Variants in SHOC1 observed in about 807,000 individuals in gnomAD.
The protein encoded by SHOC1 is shortage in chiasmata 1.
A neutral mutation model predicts 179.2 loss-of-function variants in SHOC1; 136 were observed. The ratio of observed to expected loss-of-function variants is 0.76; its 90% CI spans 0.66 to 0.87. The LOEUF is 0.87. Ranked by LOEUF, SHOC1 falls within the 40% of genes least tolerant of loss-of-function variation. The probability of loss-of-function intolerance (pLI) is 0.00; values close to 1 mark genes in which losing one functional copy is unlikely to be tolerated. For synonymous variants in SHOC1, 489 were observed against 586.6 expected (o/e 0.83, Z 2.41); for missense variants, 1,538 against 1,700.8 (o/e 0.90, Z 1.68).
chr9:111,769,986 G>GTTTTTTTTTT (rs769266659), intron 5 of SHOC1, among the ~76,000 whole-genome samples: 157 of 77,604 alleles, frequency 2.0e-3, no homozygotes, highest in African/African-American at 2.7e-3. Flanking sequence ...TTTTTTTTTT[G>GTTTTTTTTTT]TTTTTTTTTT....
chr9:111,759,739 C>G (rs897145471), intron 5 of SHOC1, among the ~76,000 whole-genome samples: 15 of 152,196 alleles, frequency 9.9e-5, no homozygotes, highest in African/African-American at 3.4e-4. Context: ...TTAAGTGACG[C>G]TGAATGGCAT....
intron 5 of SHOC1, 53 bp from the exon 6 acceptor site, chr9:111,758,901 A>G: frequency 9.1e-7 from 1 of 1,097,740 alleles, no homozygotes; most frequent in Non-Finnish European, 1.3e-6. Flanking sequence ...AAAGTTATCC[A>G]AAGAGATCTA....
At chr9:111,718,586 T>C (rs1000819637) in intron 15 of SHOC1, among the ~76,000 whole-genome samples, 1 of 152,196 alleles carries the variant, frequency 6.6e-6, no homozygotes, top group African/African-American at 2.4e-5. Flanking sequence ...TGAGAATTCA[T>C]GCCCTTGTTG....
chr9:111,726,464 T>C (rs1018004010), intron 13 of SHOC1, among the ~76,000 whole-genome samples: 1 of 152,228 alleles, frequency 6.6e-6, no homozygotes, highest in African/African-American at 2.4e-5. Flanking sequence ...GGTCTCATTA[T>C]GTTGCTCAGG....
intron 3 of SHOC1, among the ~76,000 whole-genome samples, chr9:111,782,409 T>C (rs74748198): frequency 2.6e-5 from 4 of 152,294 alleles, no homozygotes; most frequent in African/African-American, 9.6e-5. Flanking sequence ...AGATTAAATG[T>C]AATGTGGCAT....
chr9:111,765,958 G>A (rs2131590552), intron 5 of SHOC1, among the ~76,000 whole-genome samples: 1 of 152,200 alleles, frequency 6.6e-6, no homozygotes, highest in Non-Finnish European at 1.5e-5. Context: ...TGGCATTACA[G>A]GCATGAGCCA....
At position 111,724,824 on chromosome 9, in the gene SHOC1, G is replaced by A. The variant is rs564292195; in HGVS notation, c.1835-913C>T. Among the ~76,000 whole-genome samples the A allele has an allele frequency of 3.9e-5, 6 of 152,262 alleles. No individual in the cohort carries two copies. In the East Asian group the frequency reaches 9.6e-4, roughly 24 times the overall value. Reference sequence around the variant, plus strand: ...CACATTGAATTGAAATGATCTATCTGCATATCTGACCTACTTTATTATACT... The same window carrying A: ...CACATTGAATTGAAATGATCTATCTACATATCTGACCTACTTTATTATACT... On this transcript the variant is annotated intron_variant, in intron 13 of 27. Transcript: ENST00000682961.
chr9:111,693,797 A>G lies in SHOC1; in HGVS notation c.3465+2T>C, dbSNP rs1315099802. Reference sequence around the variant, plus strand: ...TCATAGTACAGATCTCAAATAACTAACCTTTAACACTTTTTCTGGGACTTC... The same window carrying G: ...TCATAGTACAGATCTCAAATAACTAGCCTTTAACACTTTTTCTGGGACTTC... On this transcript the variant is annotated splice_donor_variant, in intron 26 of 27. Coordinates refer to ENST00000682961, the MANE Select transcript of SHOC1 (RefSeq NM_001378211.1). LOFTEE classifies it high-confidence loss of function. The G allele has an allele frequency of 2.5e-6, 4 of 1,597,116 alleles. No homozygotes were observed. Among genetic ancestry groups the G allele is most frequent in the African/African-American group, 1.3e-5 (1 of 74,312 alleles).
At chr9:111,768,424 T>G (rs1299619101) in intron 5 of SHOC1, among the ~76,000 whole-genome samples, 1 of 152,080 alleles carries the variant, frequency 6.6e-6, no homozygotes, top group Non-Finnish European at 1.5e-5. Flanking sequence ...GGTTTCACCA[T>G]GTCAGGCTGG....
chr9:111,757,967 C>A, intron 7 of SHOC1, 117 bp downstream of exon 7: 1 of 569,702 alleles, frequency 1.8e-6, no homozygotes, highest in Non-Finnish European at 3.1e-6. Context: ...GATACATGTT[C>A]ATTCCATTAT....
rs377703933 is a variant in SHOC1 at position 111,786,072 on chromosome 9, T to C, written c.46-37A>G. The C allele has an allele frequency of 7.7e-4, 1,042 of 1,358,088 alleles. 7 individuals carry two copies. In the African/African-American group the frequency reaches 0.014, roughly 18 times the overall value. The allele number at this position is 1,358,088 out of a possible 1,614,324, so 84.1% of individuals were successfully genotyped here. On this transcript the variant is annotated intron_variant, in intron 2 of 27. Coordinates refer to ENST00000682961, the MANE Select transcript of SHOC1 (RefSeq NM_001378211.1). ...AGAAAGATTAGAAAATCTTTTAACATGTACTATTTATCAATATTCAGAATA... is the reference window on the plus strand; with the variant it reads ...AGAAAGATTAGAAAATCTTTTAACACGTACTATTTATCAATATTCAGAATA...
intron 2 of SHOC1, among the ~76,000 whole-genome samples, chr9:111,789,533 C>G (rs541827891): frequency 4.6e-5 from 7 of 152,132 alleles, no homozygotes; most frequent in African/African-American, 7.2e-5. Context: ...ATCTCTGACT[C>G]CTTTGATATT....
intron 12 of SHOC1, among the ~76,000 whole-genome samples, chr9:111,736,702 A>G (rs896456150): frequency 2.6e-5 from 4 of 152,178 alleles, no homozygotes; most frequent in African/African-American, 4.8e-5. Context: ...AACAAAAACA[A>G]AAATTGCCGA....
chr9:111,791,508 G>GA, intron 1 of SHOC1, 54 bp from the exon 2 acceptor site: 1 of 765,858 alleles, frequency 1.3e-6, no homozygotes, highest in Non-Finnish European at 1.9e-6. Context: ...GTCAAGTGCA[G>GA]AAAATCTCAA....
At chr9:111,715,359 T>A (rs1259393205) in intron 16 of SHOC1, among the ~76,000 whole-genome samples, 9 of 152,320 alleles carry the variant, frequency 5.9e-5, no homozygotes, top group African/African-American at 1.4e-4. Flanking sequence ...ATTTAAAAAA[T>A]TTAATGTCTA....
At chr9:111,792,059 G>A (rs1308152192) in intron 1 of SHOC1, among the ~76,000 whole-genome samples, 1 of 152,122 alleles carries the variant, frequency 6.6e-6, no homozygotes, top group African/African-American at 2.4e-5. Context: ...AAAATAAGAA[G>A]CCTAAAGTTA....
chr9:111,730,809 C>T (rs759736516), intron 12 of SHOC1, among the ~76,000 whole-genome samples: 17 of 152,198 alleles, frequency 1.1e-4, no homozygotes, highest in Non-Finnish European at 2.1e-4. Context: ...TGAAGCCAGA[C>T]ATTGACTGCT....
chr9:111,705,391 T>C lies in SHOC1; in HGVS notation c.2738-27A>G, dbSNP rs111694561. On this transcript the variant is annotated intron_variant, in intron 20 of 27. Transcript: ENST00000682961. ...TAAATAAGAGAAAATTTATAAATAT[T>C]TCTCTTTTATTCTCATCTCCCAGCT... 2.4e-4 allele frequency: 267 copies of C among 1,131,502 alleles called. No homozygotes were observed. In the African/African-American group the frequency reaches 3.9e-3, roughly 16 times the overall value. 70.1% of individuals were successfully genotyped at this position (1,131,502 alleles called of 1,614,324 possible). A position where few individuals can be genotyped will look rare whatever the true frequency, so the allele number is the denominator to read the frequency against.
chr9:111,791,743 C>T (rs1176881438), intron 1 of SHOC1, among the ~76,000 whole-genome samples: 3 of 151,926 alleles, frequency 2.0e-5, no homozygotes, highest in Non-Finnish European at 4.4e-5. Context: ...ACAAGATTGC[C>T]GGAGTGGTGT....
Sources: gnomAD v4.1 joint callset for allele counts (sites outside exome capture counted in the v4.1 genomes callset) on GRCh38, gnomAD v4.1.1 for gene constraint, MANE v1.5 for transcripts, NCBI Gene and HGNC (gene_info 2026-07-23, HGNC 2026-07-21) for gene names.